Variants in SPOCK1 observed in about 807,000 individuals in gnomAD.
SPOCK1 encodes testican-1.
In SPOCK1, 23 loss-of-function variants were observed where a neutral mutation model predicts 55.3. The observed-to-expected ratio is 0.42, with a 90% CI of 0.30 to 0.59. The LOEUF (loss-of-function observed/expected upper bound fraction) is 0.59, where lower values mean the gene tolerates loss of function less well. Among genes scored for constraint, SPOCK1 ranks in the 20% least tolerant of loss-of-function variants. The probability of loss-of-function intolerance (pLI) is 0.22; values close to 1 mark genes in which losing one functional copy is unlikely to be tolerated. For synonymous variants in SPOCK1, 226 were observed against 221.0 expected, an observed-to-expected ratio of 1.02 and a Z score of -0.20; for missense variants, 499 against 552.5, an observed-to-expected ratio of 0.90 and a Z score of 0.97.
chr5:137,387,934 A>T (rs561807688), intron 2 of SPOCK1, among the ~76,000 whole-genome samples: 8 of 152,324 alleles, frequency 5.3e-5, no homozygotes, highest in African/African-American at 1.9e-4. Context: ...CCTGCTTTTG[A>T]GGATACACAA....
chr5:137,050,725 T>C (rs1005866406), intron 6 of SPOCK1, among the ~76,000 whole-genome samples: 10 of 152,238 alleles, frequency 6.6e-5, no homozygotes, highest in Admixed American at 3.3e-4. Context: ...GCAGATGATA[T>C]CATTTTCTAA....
At chr5:137,438,916 T>C (rs78696028) in intron 2 of SPOCK1, among the ~76,000 whole-genome samples, 1,613 of 152,334 alleles carry the variant, frequency 0.011, 14 homozygotes, top group Non-Finnish European at 0.019. Flanking sequence ...TCAGATCATT[T>C]GGGTTCGTTA....
chr5:137,316,475 G>A (rs1757882952), intron 2 of SPOCK1, among the ~76,000 whole-genome samples: 1 of 152,178 alleles, frequency 6.6e-6, no homozygotes, highest in African/African-American at 2.4e-5. Flanking sequence ...AGGAATTCGA[G>A]CAAAGTTTCA....
chr5:137,210,244 C>T (rs1755587186), intron 3 of SPOCK1, among the ~76,000 whole-genome samples: 1 of 152,134 alleles, frequency 6.6e-6, no homozygotes, highest in Non-Finnish European at 1.5e-5. Flanking sequence ...TTCTATAGAA[C>T]AGGAAAAAGA....
At chr5:137,004,997 C>T (rs865865551) in intron 6 of SPOCK1, among the ~76,000 whole-genome samples, 30 of 152,214 alleles carry the variant, frequency 2.0e-4, no homozygotes, top group Admixed American at 5.2e-4. Flanking sequence ...GGCAGCAGAT[C>T]TCAGAGAGCA....
intron 4 of SPOCK1, among the ~76,000 whole-genome samples, chr5:137,133,361 C>T (rs1382277940): frequency 6.9e-6 from 1 of 144,790 alleles, no homozygotes; most frequent in African/African-American, 2.6e-5. Context: ...CAGAGTGAGA[C>T]TCCATCTCAA....
intron 2 of SPOCK1, among the ~76,000 whole-genome samples, chr5:137,408,325 A>C (rs1020696547): frequency 6.6e-6 from 1 of 152,108 alleles, no homozygotes; most frequent in Non-Finnish European, 1.5e-5. Flanking sequence ...GATAGTCAGG[A>C]GTGGGGATGT....
At chr5:137,131,078 T>C (rs1317965315) in intron 4 of SPOCK1, among the ~76,000 whole-genome samples, 1 of 152,212 alleles carries the variant, frequency 6.6e-6, no homozygotes, top group East Asian at 1.9e-4. Context: ...GCGCCCCCGA[T>C]GGGCCCTACT....
At chr5:137,403,612 T>C (rs147491534) in intron 2 of SPOCK1, among the ~76,000 whole-genome samples, 1 of 151,882 alleles carries the variant, frequency 6.6e-6, no homozygotes, top group African/African-American at 2.4e-5. Context: ...CAGGTTGTAG[T>C]AATAAATGGG....
intron 2 of SPOCK1, among the ~76,000 whole-genome samples, chr5:137,356,826 TATATATATATATAGAGAG>T (rs70979534): frequency 1.4e-3 from 28 of 19,346 alleles, no homozygotes; most frequent in African/African-American, 6.2e-3. Flanking sequence ...TATATATATA[TATATATATATATAGAGAG>T]AGAGAGAGAG....
At chr5:137,195,740 C>T (rs1755287261) in intron 3 of SPOCK1, among the ~76,000 whole-genome samples, 1 of 152,204 alleles carries the variant, frequency 6.6e-6, no homozygotes. Flanking sequence ...CCCAGGCAGG[C>T]TCCTGCAGCA....
intron 2 of SPOCK1, among the ~76,000 whole-genome samples, chr5:137,393,768 T>C (rs7711440): frequency 0.014 from 2,166 of 152,338 alleles, 46 homozygotes; most frequent in African/African-American, 0.049. Context: ...CTGCTTTGTT[T>C]ACCATAATAA....
At chr5:137,479,473 C>T (rs572875723) in intron 2 of SPOCK1, among the ~76,000 whole-genome samples, 1 of 152,326 alleles carries the variant, frequency 6.6e-6, no homozygotes, top group South Asian at 2.1e-4. Context: ...TACCACTGGC[C>T]AAGCATGTGA....
In SPOCK1 at chr5:137,204,844, C is replaced by A. The variant is rs144862396; in HGVS notation, c.232+62166G>T. On this transcript the variant is annotated intron_variant, in intron 3 of 10. Coordinates refer to ENST00000394945, the MANE Select transcript of SPOCK1 (RefSeq NM_004598.4). ...CGCTCTTTTCCCCTCACTGTATATACCCTAGAAGCACTCGCCTCTGCTTCT... is the reference window on the plus strand; with the variant it reads ...CGCTCTTTTCCCCTCACTGTATATAACCTAGAAGCACTCGCCTCTGCTTCT... Among the ~76,000 whole-genome samples, 541 of 152,248 alleles carry A rather than the reference C, an allele frequency of 3.6e-3. 5 individuals are homozygous for A. Among genetic ancestry groups the A allele is most frequent in the African/African-American group, 0.012 (495 of 41,560 alleles).
At chr5:137,347,691 T>C (rs368688527) in intron 2 of SPOCK1, among the ~76,000 whole-genome samples, 1 of 152,004 alleles carries the variant, frequency 6.6e-6, no homozygotes, top group East Asian at 1.9e-4. Context: ...CACTCCAGTC[T>C]GGGCAACAGG....
At chr5:137,018,757 T>A in intron 6 of SPOCK1, among the ~76,000 whole-genome samples, 1 of 152,154 alleles carries the variant, frequency 6.6e-6, no homozygotes, top group Non-Finnish European at 1.5e-5. Flanking sequence ...CTCTCTTTTT[T>A]CAAAATGTAT....
chr5:137,217,311 T>C (rs2127085466), intron 3 of SPOCK1, among the ~76,000 whole-genome samples: 1 of 152,336 alleles, frequency 6.6e-6, no homozygotes, highest in East Asian at 1.9e-4. Context: ...ACTCCTCTTC[T>C]TGCAGAGGCC....
chr5:137,399,005 T>C (rs1042937024), intron 2 of SPOCK1, among the ~76,000 whole-genome samples: 1 of 151,766 alleles, frequency 6.6e-6, no homozygotes, highest in Non-Finnish European at 1.5e-5. Flanking sequence ...GGACCATCTG[T>C]ATACAAATGA....
At chr5:137,205,847 G>A (rs889605742) in intron 3 of SPOCK1, among the ~76,000 whole-genome samples, 1 of 152,222 alleles carries the variant, frequency 6.6e-6, no homozygotes, top group Non-Finnish European at 1.5e-5. Context: ...ACTCGGCACA[G>A]TTCCAAGCAC....
Sources: gnomAD v4.1 joint callset for allele counts (sites outside exome capture counted in the v4.1 genomes callset) on GRCh38, gnomAD v4.1.1 for gene constraint, MANE v1.5 for transcripts, NCBI Gene and HGNC (gene_info 2026-07-23, HGNC 2026-07-21) for gene names.